UNC13B: variants seen among roughly 807,000 people sequenced by gnomAD.
UNC13B encodes the protein unc-13 homolog B.
Under a neutral mutation model 211.0 loss-of-function variants are expected in UNC13B, and 144 were observed. The observed-to-expected ratio is 0.68, with a 90% CI of 0.60 to 0.78. The LOEUF is 0.78. Among genes scored for constraint, UNC13B ranks in the 30% least tolerant of loss-of-function variants. The pLI is 0.00. For synonymous variants in UNC13B, 709 were observed against 725.8 expected (o/e 0.98, Z 0.37); for missense variants, 1,777 against 2,002.0 (o/e 0.89, Z 2.14).
At chr9:35,398,341 T>G in intron 31 of UNC13B, 53 bp downstream of exon 31, 2 of 1,575,078 alleles carry the variant, frequency 1.3e-6, no homozygotes, top group Non-Finnish European at 1.7e-6. Context: ...CCTGAGCTCC[T>G]TGGCCATAGA....
chr9:35,264,636 T>G (rs1587499361), intron 7 of UNC13B, among the ~76,000 whole-genome samples: 1 of 152,146 alleles, frequency 6.6e-6, no homozygotes, highest in African/African-American at 2.4e-5. Flanking sequence ...AGAATTACCC[T>G]CAAAGGTGAC....
intron 15 of UNC13B, 102 bp downstream of exon 15, chr9:35,376,349 G>A (rs937690470): frequency 1.8e-5 from 21 of 1,176,230 alleles, no homozygotes; most frequent in Middle Eastern, 2.8e-4. Flanking sequence ...CATTCCCCCA[G>A]TCCACCTGAT....
Position 35,382,508 on chromosome 9 carries a change from G to T in UNC13B, c.10806+1G>T, listed in dbSNP as rs1224714795. ...TCGCTTTGCAGCCTCCAACTTTGGGGTAAGTATCATGTAAACACATATGTC... is the reference window on the plus strand; with the variant it reads ...TCGCTTTGCAGCCTCCAACTTTGGGTTAAGTATCATGTAAACACATATGTC... On this transcript the variant is annotated splice_donor_variant, in intron 21 of 39. Transcript: ENST00000635942. LOFTEE classifies it high-confidence loss of function. The T allele has an allele frequency of 1.2e-6, 2 of 1,610,944 alleles. No individual in the cohort carries two copies. Among genetic ancestry groups the T allele is most frequent in the Non-Finnish European group, 1.7e-6 (2 of 1,179,218 alleles).
chr9:35,365,690 T>A (rs1164224608), intron 11 of UNC13B, among the ~76,000 whole-genome samples: 1 of 152,184 alleles, frequency 6.6e-6, no homozygotes, highest in Non-Finnish European at 1.5e-5. Context: ...GTTTCTTCTA[T>A]ACTATCCCCA....
At chr9:35,255,757 G>T (rs1414366367) in intron 6 of UNC13B, among the ~76,000 whole-genome samples, 1 of 152,114 alleles carries the variant, frequency 6.6e-6, no homozygotes, top group Admixed American at 6.5e-5. Flanking sequence ...GTTATTCCCA[G>T]AAGCAATTTG....
In UNC13B at chr9:35,381,510, T is replaced by G. The variant is rs770630932; in HGVS notation, c.10492-46T>G. Reference sequence around the variant, plus strand: ...TTACCACCAAGTTTGTTTTTGTCTTTCATATGTGTTTAACCCATTCCCTTT... The same window carrying G: ...TTACCACCAAGTTTGTTTTTGTCTTGCATATGTGTTTAACCCATTCCCTTT... On this transcript the variant is annotated intron_variant, in intron 19 of 39. Transcript: ENST00000635942. 10 of 1,566,232 alleles carry G rather than the reference T, an allele frequency of 6.4e-6. No homozygotes were observed. In the South Asian group the frequency reaches 1.2e-4, roughly 18 times the overall value.
At chr9:35,316,810 G>T (rs1369571220) in intron 11 of UNC13B, among the ~76,000 whole-genome samples, 1 of 151,810 alleles carries the variant, frequency 6.6e-6, no homozygotes, top group African/African-American at 2.4e-5. Flanking sequence ...ATCTTTTTCG[G>T]CTGTGACAGC....
Position 35,173,715 on chromosome 9 carries a change from T to C in UNC13B, c.22+11410T>C, listed in dbSNP as rs200804511. On this transcript the variant is annotated intron_variant, in intron 1 of 39. Coordinates refer to ENST00000635942, the MANE Select transcript of UNC13B (RefSeq NM_001371189.2). The stretch of plus-strand genomic sequence containing the variant: ...TTAGGATTACAGGCGTGAGCCACTG[T>C]GCCTGGCCAGAATCTATCTGATTGT... Among the ~76,000 whole-genome samples the C allele has an allele frequency of 3.3e-5, 5 of 152,318 alleles. No homozygotes were observed. In the East Asian group the frequency reaches 7.7e-4, roughly 24 times the overall value.
chr9:35,291,660 C>T (rs1301678872), intron 7 of UNC13B, among the ~76,000 whole-genome samples: 1 of 152,154 alleles, frequency 6.6e-6, no homozygotes, highest in Non-Finnish European at 1.5e-5. Flanking sequence ...CTGAAGCAGC[C>T]CAGCTAAGGC....
intron 1 of UNC13B, among the ~76,000 whole-genome samples, chr9:35,178,924 A>G (rs1307226834): frequency 6.7e-6 from 1 of 149,878 alleles, no homozygotes; most frequent in Non-Finnish European, 1.5e-5. Context: ...ATGTCTCACC[A>G]TCTTAGAATC....
chr9:35,274,425 T>A (rs1183323444), intron 7 of UNC13B, among the ~76,000 whole-genome samples: 1 of 152,268 alleles, frequency 6.6e-6, no homozygotes, highest in East Asian at 1.9e-4. Flanking sequence ...TAATCCATGT[T>A]CCTAATAATG....
intron 7 of UNC13B, among the ~76,000 whole-genome samples, chr9:35,289,960 A>T (rs1165721397): frequency 6.6e-6 from 1 of 152,164 alleles, no homozygotes; most frequent in Non-Finnish European, 1.5e-5. Context: ...TGGGTGACAG[A>T]GTGAGACTCT....
chr9:35,309,845 A>G (rs577949988), intron 9 of UNC13B, among the ~76,000 whole-genome samples: 1 of 152,294 alleles, frequency 6.6e-6, no homozygotes, highest in Admixed American at 6.5e-5. Context: ...ATTTATGTTG[A>G]TGAGACCATT....
At chr9:35,390,812 A>C in intron 26 of UNC13B, 98 bp downstream of exon 26, 2 of 1,210,220 alleles carry the variant, frequency 1.7e-6, no homozygotes, top group Non-Finnish European at 2.3e-6. Context: ...GTTCTGGGTG[A>C]GTGGTATAGT....
intron 7 of UNC13B, among the ~76,000 whole-genome samples, chr9:35,263,622 T>C (rs561682427): frequency 6.6e-6 from 1 of 152,298 alleles, no homozygotes; most frequent in Admixed American, 6.5e-5. Context: ...TATGTATATA[T>C]ATACATAAGC....
chr9:35,327,946 A>G (rs1478277138), intron 11 of UNC13B, among the ~76,000 whole-genome samples: 1 of 152,250 alleles, frequency 6.6e-6, no homozygotes, highest in African/African-American at 2.4e-5. Flanking sequence ...AATTCAAAAG[A>G]TGAAGCTAAG....
At chr9:35,385,207 A>G (rs1835112765) in intron 22 of UNC13B, 1 of 985,262 alleles carries the variant, frequency 1.0e-6, no homozygotes, top group African/African-American at 1.7e-5. Context: ...TAAGGAACTC[A>G]CTCCAAAAGC....
intron 1 of UNC13B, among the ~76,000 whole-genome samples, chr9:35,183,807 TG>T (rs1822153183): frequency 2.0e-5 from 1 of 50,322 alleles, no homozygotes; most frequent in African/African-American, 7.7e-5. Context: ...TCCCAGACGA[TG>T]GGCGGCCGGG....
intron 1 of UNC13B, among the ~76,000 whole-genome samples, chr9:35,204,105 C>A (rs376639501): frequency 6.6e-6 from 1 of 152,214 alleles, no homozygotes; most frequent in South Asian, 2.1e-4. Flanking sequence ...TCAGAAGGGC[C>A]CAGGTATAGC....
Sources: allele counts gnomAD v4.1 joint callset (sites outside exome capture counted in the v4.1 genomes callset), GRCh38; gene constraint gnomAD v4.1.1; transcripts MANE v1.5; gene names NCBI Gene and HGNC (gene_info 2026-07-23, HGNC 2026-07-21).